Variants in PTPRT observed in about 807,000 individuals in gnomAD.
PTPRT encodes protein tyrosine phosphatase receptor type T.
A neutral mutation model predicts 176.8 loss-of-function variants in PTPRT; 56 were observed. The ratio of observed to expected loss-of-function variants is 0.32; its 90% CI spans 0.26 to 0.40. The LOEUF (loss-of-function observed/expected upper bound fraction) is 0.40. PTPRT is among the 10% of genes least tolerant of loss of function. PTPRT has a pLI of 1.00. For missense variants in PTPRT, 1,540 were observed against 1,908.2 expected, an observed-to-expected ratio of 0.81 and a Z score of 3.60; for synonymous variants, 783 against 739.0, an observed-to-expected ratio of 1.06 and a Z score of -0.96.
At chr20:42,100,001 G>T (rs1329511472) in intron 26 of PTPRT, among the ~76,000 whole-genome samples, 2 of 152,300 alleles carry the variant, frequency 1.3e-5, no homozygotes, top group East Asian at 3.9e-4. Flanking sequence ...CAGACTTGGG[G>T]CTCCAATCCT....
At chr20:42,129,789 A>C (rs565951445) in intron 18 of PTPRT, among the ~76,000 whole-genome samples, 1 of 152,228 alleles carries the variant, frequency 6.6e-6, no homozygotes. Context: ...AGAATTATAC[A>C]GCATTCTGCA....
At chr20:42,772,529 T>A (rs545326594) in intron 4 of PTPRT, among the ~76,000 whole-genome samples, 2 of 152,312 alleles carry the variant, frequency 1.3e-5, no homozygotes, top group South Asian at 4.1e-4. Context: ...CTTTCCTTTT[T>A]TGTGGAGAAG....
intron 7 of PTPRT, among the ~76,000 whole-genome samples, chr20:42,478,368 C>A (rs949511000): frequency 1.3e-5 from 2 of 152,102 alleles, no homozygotes; most frequent in African/African-American, 4.8e-5. Flanking sequence ...CAGGAAGGCA[C>A]GGTGGTCCTC....
chr20:42,178,309 C>T (rs1362737894), intron 16 of PTPRT, among the ~76,000 whole-genome samples: 1 of 152,090 alleles, frequency 6.6e-6, no homozygotes, highest in Non-Finnish European at 1.5e-5. Context: ...TAAAGGTGTG[C>T]AAGTCATAAG....
chr20:42,780,513 T>C (rs937352938), intron 3 of PTPRT, among the ~76,000 whole-genome samples: 3 of 152,202 alleles, frequency 2.0e-5, no homozygotes, highest in African/African-American at 7.2e-5. Context: ...AAGAAGAATA[T>C]TTTTAACAAA....
chr20:43,006,719 G>A (rs1265728358), intron 1 of PTPRT, among the ~76,000 whole-genome samples: 1 of 152,178 alleles, frequency 6.6e-6, no homozygotes, highest in African/African-American at 2.4e-5. Context: ...AAAAAGAACT[G>A]CATTAAATTA....
chr20:43,149,933 A>G (rs1473259876), intron 1 of PTPRT, among the ~76,000 whole-genome samples: 3 of 152,246 alleles, frequency 2.0e-5, no homozygotes, highest in African/African-American at 7.2e-5. Flanking sequence ...ACGTGTGAAC[A>G]TCCGTGAGAT....
At chr20:42,801,850 G>T (rs150310137) in intron 2 of PTPRT, among the ~76,000 whole-genome samples, 4 of 152,078 alleles carry the variant, frequency 2.6e-5, no homozygotes, top group Non-Finnish European at 4.4e-5. Context: ...TCTGCCTTGT[G>T]GGGGGGCTAA....
intron 2 of PTPRT, among the ~76,000 whole-genome samples, chr20:42,819,101 A>G (rs2077843563): frequency 6.6e-6 from 1 of 152,210 alleles, no homozygotes; most frequent in South Asian, 2.1e-4. Flanking sequence ...CACAGTCATC[A>G]GATTCTCCAA....
At position 42,867,683 on chromosome 20, in the gene PTPRT, CTTTTT is replaced by C. The variant is rs5841476; in HGVS notation, c.214+18119_214+18123del. Among the ~76,000 whole-genome samples, 766 of 113,390 alleles carry C rather than the reference CTTTTT, an allele frequency of 6.8e-3. 10 individuals carry two copies. Among genetic ancestry groups the C allele is most frequent in the African/African-American group, 0.026 (724 of 27,428 alleles). The allele number at this position is 113,390 out of a possible 152,430, so 74.4% of individuals were successfully genotyped here. A position where few individuals can be genotyped will look rare whatever the true frequency, so the allele number is the denominator to read the frequency against. ...ATAAATTTAAAAATTTACATATGGCCTTTTTTTTTTTTTTTTTTGTGACAGAGTCA... is the reference window on the plus strand; with the variant it reads ...ATAAATTTAAAAATTTACATATGGCCTTTTTTTTTTTTTGTGACAGAGTCA... On this transcript the variant is annotated intron_variant, in intron 2 of 30. Transcript: ENST00000373187.
At chr20:42,115,982 C>G (rs1402199576) in intron 21 of PTPRT, 8 of 714,898 alleles carry the variant, frequency 1.1e-5, no homozygotes, top group Non-Finnish European at 2.1e-5. Flanking sequence ...TTAAGTCGCA[C>G]TCATGGATGA....
chr20:42,501,130 G>C (rs1362046676), intron 7 of PTPRT, among the ~76,000 whole-genome samples: 2 of 151,996 alleles, frequency 1.3e-5, no homozygotes, highest in Non-Finnish European at 2.9e-5. Context: ...CCCCCACAAG[G>C]GTAGCCAGTA....
the PTPRT span, among the ~76,000 whole-genome samples, chr20:42,058,675 G>A: frequency 1.3e-5 from 2 of 152,176 alleles, no homozygotes; most frequent in African/African-American, 4.8e-5. Flanking sequence ...AATCAGTGAA[G>A]GAGGCTTCTG....
In PTPRT at chr20:42,315,708, T is replaced by G. The variant is rs1223374110; in HGVS notation, c.2139+15A>C. 6.2e-6 allele frequency: 10 copies of G among 1,607,566 alleles called. No homozygotes were observed. The highest frequency in any genetic ancestry group is 8.5e-6 in the Non-Finnish European group (10 of 1,174,600). On this transcript the variant is annotated intron_variant, in intron 12 of 30. Coordinates refer to ENST00000373187, the MANE Select transcript of PTPRT (RefSeq NM_007050.6). ...CAAACAAGGCAAGGAATGGCCTCCA[T>G]GTGGCCATACTTACTCCATTGGCTT...
At chr20:42,727,224 A>G (rs1209247570) in intron 6 of PTPRT, among the ~76,000 whole-genome samples, 1 of 152,138 alleles carries the variant, frequency 6.6e-6, no homozygotes, top group Non-Finnish European at 1.5e-5. Context: ...AATGCAAGCA[A>G]AAAAAGAGGG....
chr20:42,931,305 T>A (rs138658801), intron 1 of PTPRT, among the ~76,000 whole-genome samples: 2 of 152,140 alleles, frequency 1.3e-5, no homozygotes, highest in South Asian at 4.1e-4. Context: ...TTTCTCTTTG[T>A]ACACACACAC....
intron 7 of PTPRT, among the ~76,000 whole-genome samples, chr20:42,546,287 A>G (rs780807082): frequency 1.9e-4 from 29 of 152,168 alleles, no homozygotes; most frequent in Non-Finnish European, 4.0e-4. Flanking sequence ...TAATGTACAG[A>G]AATTGAAGGT....
chr20:42,104,438 G>T, intron 25 of PTPRT, 131 bp downstream of exon 25: 2 of 1,053,116 alleles, frequency 1.9e-6, no homozygotes, highest in Non-Finnish European at 2.7e-6. Flanking sequence ...CTGGAAGCTT[G>T]ATGCTGGGCT....
chr20:42,985,530 C>CAACAG (rs1026396423), intron 1 of PTPRT, among the ~76,000 whole-genome samples: 3 of 152,102 alleles, frequency 2.0e-5, no homozygotes, highest in East Asian at 1.9e-4. Context: ...ATACAGTGGC[C>CAACAG]AACAGAACAG....
Sources: allele counts gnomAD v4.1 joint callset (sites outside exome capture counted in the v4.1 genomes callset), GRCh38; gene constraint gnomAD v4.1.1; transcripts MANE v1.5; gene names NCBI Gene and HGNC (gene_info 2026-07-23, HGNC 2026-07-21).